Variants in ST8SIA5 observed in about 807,000 individuals in gnomAD.
ST8SIA5 encodes the protein ST8 alpha-N-acetyl-neuraminide alpha-2,8-sialyltransferase 5, also known as alpha-2,8-sialyltransferase 8E.
In ST8SIA5, 24 loss-of-function variants were observed where a neutral mutation model predicts 40.2. The ratio of observed to expected loss-of-function variants is 0.60; its 90% confidence interval spans 0.43 to 0.84. The LOEUF (loss-of-function observed/expected upper bound fraction) is 0.84. Among genes scored for constraint, ST8SIA5 ranks in the 40% least tolerant of loss-of-function variants. The pLI is 0.00. For missense variants in ST8SIA5, 465 were observed against 498.5 expected, an observed-to-expected ratio of 0.93 and a Z score of 0.64; for synonymous variants, 198 against 201.8, an observed-to-expected ratio of 0.98 and a Z score of 0.16.
At chr18:46,749,928 C>T (rs534209237) in intron 1 of ST8SIA5, among the ~76,000 whole-genome samples, 91 of 152,232 alleles carry the variant, frequency 6.0e-4, no homozygotes, top group African/African-American at 2.1e-3. Flanking sequence ...TCTCTTTCAT[C>T]CCCACATGAG....
rs989034875 is a variant in ST8SIA5 at position 46,676,837 on chromosome 18, T to A, written c.*3205A>T. ...GGAACATGGCAGAAGGCTTCCAGAG[T>A]CAACACCAGGTCTCTCTGAGCCTTT... On this transcript the variant is annotated 3_prime_UTR_variant, in exon 7 of 7. Transcript: ENST00000315087. The A allele has an allele frequency of 6.6e-6, 1 of 152,050 alleles. No individual in the cohort carries two copies. The highest frequency in any genetic ancestry group is 1.5e-5 in the Non-Finnish European group (1 of 68,012). The allele number at this position is 152,050 out of a possible 1,614,324, so 9.4% of individuals were successfully genotyped here. A position where few individuals can be genotyped will look rare whatever the true frequency, so the allele number is the denominator to read the frequency against.
chr18:46,726,008 TATCCTGGATATATATATATATCCTGG>T (rs1349680463), intron 1 of ST8SIA5, among the ~76,000 whole-genome samples: 14 of 60,358 alleles, frequency 2.3e-4, no homozygotes, highest in Non-Finnish European at 3.4e-4. Flanking sequence ...TATATATATA[TATCCTGGATATATATATATATCCTGG>T]ATATATATAT....
chr18:46,735,856 T>C (rs540645264), intron 1 of ST8SIA5, among the ~76,000 whole-genome samples: 2 of 152,174 alleles, frequency 1.3e-5, no homozygotes, highest in South Asian at 4.1e-4. Context: ...CAAGTGATCC[T>C]CCCACTTTGG....
Position 46,756,528 on chromosome 18 carries a change from G to A in ST8SIA5, c.-20C>T, listed in dbSNP as rs2144582496. 1.9e-6 allele frequency: 3 copies of A among 1,611,360 alleles called. No individual in the cohort carries two copies. Among genetic ancestry groups the A allele is most frequent in the South Asian group, 1.1e-5 (1 of 90,848 alleles). ...GCGCATCCTGGCTACCGGGCGCCGC[G>A]GGCGCGGGGTACGGGGCGGCCAGGC... is the stretch of plus-strand genomic sequence containing the variant. On this transcript the variant is annotated 5_prime_UTR_variant, in exon 1 of 7. Transcript: ENST00000315087.
intron 1 of ST8SIA5, among the ~76,000 whole-genome samples, chr18:46,709,904 T>A (rs1461626682): frequency 2.0e-5 from 3 of 152,190 alleles, no homozygotes; most frequent in Non-Finnish European, 2.9e-5. Context: ...TCCCAGACCT[T>A]CTTCTAACTA....
In ST8SIA5 at chr18:46,680,066, G is replaced by A; in HGVS notation, c.1107C>T (p.His369=). ...ATCAGCAGCAGCTGCAGGTGCCCGT[G>A]TGCACGCGGAGGATGCCTCGGCTGT... ...HLHSRGILRV[H]TGTCSCC The change falls in exon 7 of 7, where the codon CAC becomes CAT. Residue 369 remains histidine, a synonymous_variant. Transcript: ENST00000315087. The A allele has an allele frequency of 1.2e-6, 2 of 1,609,894 alleles. No individual in the cohort carries two copies. Among genetic ancestry groups the A allele is most frequent in the South Asian group, 1.1e-5 (1 of 90,780 alleles).
intron 1 of ST8SIA5, chr18:46,721,392 G>C (rs2039861840): frequency 6.5e-7 from 1 of 1,535,994 alleles, no homozygotes; most frequent in South Asian, 1.2e-5. Context: ...GCTCTGCACT[G>C]CTGGATCATC....
chr18:46,745,762 C>T (rs1035964673), intron 1 of ST8SIA5, among the ~76,000 whole-genome samples: 2 of 151,884 alleles, frequency 1.3e-5, no homozygotes, highest in African/African-American at 2.4e-5. Context: ...GAGACACAAC[C>T]AAAAAGAGAA....
In ST8SIA5 at chr18:46,704,636, C is replaced by A. The variant is rs539222821; in HGVS notation, c.160G>T (p.Glu54Ter). The A allele has an allele frequency of 6.2e-7, 1 of 1,614,120 alleles. No homozygotes were observed. The highest frequency in any genetic ancestry group is 1.3e-5 in the African/African-American group (1 of 75,018). The change falls in exon 2 of 7, where the codon GAA becomes TAA. Residue 54 changes from glutamate (E) to a stop codon, truncating the protein, a stop_gained. Coordinates refer to ENST00000315087, the MANE Select transcript of ST8SIA5 (RefSeq NM_013305.6). LOFTEE classifies it high-confidence loss of function. ...TCCAGGCATCTTGTGGAGTTATATTCAAAAGGCCCCTCATAAAATTCAAAG... is the reference window on the plus strand; with the variant it reads ...TCCAGGCATCTTGTGGAGTTATATTAAAAAGGCCCCTCATAAAATTCAAAG... ...RYFEFYEGPF[E>*]YNSTRCLELR... is the part of the protein sequence containing the mutation.
rs563276296 is a variant in ST8SIA5, at chr18:46,720,406, G to A, written c.132-15742C>T. Among the ~76,000 whole-genome samples, 15 of 152,252 alleles carry A rather than the reference G, an allele frequency of 9.9e-5. No homozygotes were observed. In the East Asian group the frequency reaches 1.4e-3, roughly 14 times the overall value. Reference sequence around the variant, plus strand: ...CCCTCCAGCCCAGGCCACAGCGTGCGACCATCCCCACACCCTCGGGCATGT... The same window carrying A: ...CCCTCCAGCCCAGGCCACAGCGTGCAACCATCCCCACACCCTCGGGCATGT... On this transcript the variant is annotated intron_variant, in intron 1 of 6. Coordinates refer to ENST00000315087, the MANE Select transcript of ST8SIA5 (RefSeq NM_013305.6).
At chr18:46,728,180 C>T (rs1161206892) in intron 1 of ST8SIA5, among the ~76,000 whole-genome samples, 3 of 145,298 alleles carry the variant, frequency 2.1e-5, no homozygotes, top group Non-Finnish European at 3.0e-5. Flanking sequence ...GGTGATAGAG[C>T]GAGACTCCAT....
intron 1 of ST8SIA5, among the ~76,000 whole-genome samples, chr18:46,712,932 T>C (rs946307548): frequency 1.1e-4 from 17 of 152,334 alleles, no homozygotes; most frequent in African/African-American, 2.2e-4. Flanking sequence ...TGGAGCCCTG[T>C]GCAGATGTGT....
rs978353347 is a variant in ST8SIA5 at position 46,680,175 on chromosome 18, A to G, written c.998T>C (p.Ile333Thr). 1.9e-6 allele frequency: 3 copies of G among 1,614,080 alleles called. No individual in the cohort carries two copies. In the African/African-American group the frequency reaches 4.0e-5, roughly 22 times the overall value. The change falls in exon 7 of 7, where the codon ATC becomes ACC. Residue 333 changes from isoleucine (I) to threonine (T), a missense_variant. By Grantham distance (89) the Ile-to-Thr change is moderately conservative (BLOSUM62 -1). Transcript: ENST00000315087. ...GACGTTGTCATAGTAGTGGTGAGTGATGTAGAGGCCCGAGGGGTTCATGGG... is the reference window on the plus strand; with the variant it reads ...GACGTTGTCATAGTAGTGGTGAGTGGTGTAGAGGCCCGAGGGGTTCATGGG... ...AFPMNPSGLY[I>T]THHYYDNVKP...
rs1209710298 is a variant in ST8SIA5, at chr18:46,681,983, G to A, written c.651C>T (p.Ile217=). 6.2e-7 allele frequency: 1 copy of A among 1,614,062 alleles called. No individual in the cohort carries two copies. Among genetic ancestry groups the A allele is most frequent in the Non-Finnish European group, 8.5e-7 (1 of 1,179,996 alleles). ...AGAGGGCCACTGACCTCTCTGTGATGATGCTGGGGTTCACAGTGACCACAT... is the reference window on the plus strand; with the variant it reads ...AGAGGGCCACTGACCTCTCTGTGATAATGCTGGGGTTCACAGTGACCACAT... ...KTDVVTVNPS[I]ITERFHKLEK... is the part of the protein sequence containing the mutation. The change falls in exon 6 of 7, where the codon ATC becomes ATT. Residue 217 remains isoleucine, a synonymous_variant. Transcript: ENST00000315087.
intron 1 of ST8SIA5, among the ~76,000 whole-genome samples, chr18:46,736,632 G>C (rs1045355782): frequency 6.6e-6 from 1 of 152,150 alleles, no homozygotes; most frequent in Non-Finnish European, 1.5e-5. Context: ...GGTGGTCTTA[G>C]GAAGTATTGA....
At position 46,756,610 on chromosome 18, in the gene ST8SIA5, G is replaced by A. The variant is rs1411761866; in HGVS notation, c.-102C>T. On this transcript the variant is annotated 5_prime_UTR_variant, in exon 1 of 7. Coordinates refer to ENST00000315087, the MANE Select transcript of ST8SIA5 (RefSeq NM_013305.6). ...GCGCGCGGCCGACTTGGCGCCTCAC[G>A]GTGCGGTCAGGCAGGCGGGGGACTT... is the stretch of plus-strand genomic sequence containing the variant. 2 of 1,366,012 alleles carry A rather than the reference G, an allele frequency of 1.5e-6. No individual in the cohort carries two copies. Among genetic ancestry groups the A allele is most frequent in the African/African-American group, 1.5e-5 (1 of 66,866 alleles). 84.6% of individuals were successfully genotyped at this position (1,366,012 alleles called of 1,614,324 possible). A position where few individuals can be genotyped will look rare whatever the true frequency, so the allele number is the denominator to read the frequency against.
intron 2 of ST8SIA5, among the ~76,000 whole-genome samples, chr18:46,697,037 C>G (rs1047965809): frequency 6.6e-6 from 1 of 151,644 alleles, no homozygotes; most frequent in African/African-American, 2.4e-5. Flanking sequence ...CTACACTCCC[C>G]CTACCCCACC....
chr18:46,704,760 G>A (rs1345378609), intron 1 of ST8SIA5, 96 bp from the exon 2 acceptor site: 2 of 1,064,598 alleles, frequency 1.9e-6, no homozygotes, highest in East Asian at 4.7e-5. Flanking sequence ...CTGTCCCAGT[G>A]AAATAAATAA....
rs758454262 is a variant in ST8SIA5, at chr18:46,680,079, A to G, written c.1094T>C (p.Ile365Thr). 6.2e-7 allele frequency: 1 copy of G among 1,613,294 alleles called. No individual in the cohort carries two copies. Among genetic ancestry groups the G allele is most frequent in the Admixed American group, 1.7e-5 (1 of 60,008 alleles). The change falls in exon 7 of 7, where the codon ATC becomes ACC. Residue 365 changes from isoleucine to threonine, a missense_variant. Ile to Thr is a moderately conservative substitution (Grantham distance 89). Coordinates refer to ENST00000315087, the MANE Select transcript of ST8SIA5 (RefSeq NM_013305.6). ...GCAGGTGCCCGTGTGCACGCGGAGG[A>G]TGCCTCGGCTGTGCAAGTGCAGGAA... ...FNFLHLHSRG[I>T]LRVHTGTCSC...
Sources: allele counts gnomAD v4.1 joint callset (sites outside exome capture counted in the v4.1 genomes callset), GRCh38; gene constraint gnomAD v4.1.1; transcripts MANE v1.5; gene names NCBI Gene and HGNC (gene_info 2026-07-23, HGNC 2026-07-21).